GPD2: variants seen among roughly 807,000 people sequenced by gnomAD.
The protein encoded by GPD2 is glycerol-3-phosphate dehydrogenase, mitochondrial.
In GPD2, 54 loss-of-function variants were observed where a neutral mutation model predicts 82.4. The ratio of observed to expected loss-of-function variants is 0.66; its 90% CI spans 0.53 to 0.82. GPD2 has a LOEUF of 0.82. Among genes scored for constraint, GPD2 ranks in the 40% least tolerant of loss-of-function variants. The pLI, the probability that GPD2 is intolerant of heterozygous loss-of-function variation, is 0.00. For synonymous variants in GPD2, 288 were observed against 306.1 expected, an observed-to-expected ratio of 0.94 and a Z score of 0.62; for missense variants, 748 against 896.2, an observed-to-expected ratio of 0.83 and a Z score of 2.11.
Position 156,557,500 on chromosome 2 carries a change from T to TAC in GPD2, c.1088_1089dup (p.His364ThrfsTer14). The TAC allele has an allele frequency of 6.3e-7, 1 of 1,597,778 alleles. No individual in the cohort carries two copies. The highest frequency in any genetic ancestry group is 8.6e-7 in the Non-Finnish European group (1 of 1,165,144). ...GCACTACTGATACTCCAACTGATGT[T>TAC]ACACACCATCCAATTCCTTCAGAAG... On this transcript the variant is annotated frameshift_variant, in exon 9 of 17. Transcript: ENST00000438166. LOFTEE classifies it high-confidence loss of function.
intron 6 of GPD2, among the ~76,000 whole-genome samples, chr2:156,536,747 A>T (rs1038931576): frequency 3.1e-4 from 47 of 152,306 alleles, no homozygotes; most frequent in African/African-American, 1.1e-3. Context: ...CAGCAGTCCA[A>T]ACCACCTGTC....
In GPD2 at chr2:156,578,870, G is replaced by T; in HGVS notation, c.1768-19G>T. ...ATATTTCCATGTGTCTTTGAACTTT[G>T]TGTGTATCTCTGTTTTAGGAACAAC... On this transcript the variant is annotated intron_variant, in intron 13 of 16. Coordinates refer to ENST00000438166, the MANE Select transcript of GPD2 (RefSeq NM_000408.5). 7.6e-7 allele frequency: 1 copy of T among 1,312,600 alleles called. No homozygotes were observed. The highest frequency in any genetic ancestry group is 1.1e-6 in the Non-Finnish European group (1 of 906,394). 81.3% of individuals were successfully genotyped at this position (1,312,600 alleles called of 1,614,324 possible).
At chr2:156,498,792 G>A (rs1684480807) in intron 3 of GPD2, among the ~76,000 whole-genome samples, 1 of 152,116 alleles carries the variant, frequency 6.6e-6, no homozygotes. Flanking sequence ...TATAAAGAAG[G>A]GAGACAGTAT....
intron 1 of GPD2, among the ~76,000 whole-genome samples, chr2:156,442,120 A>T (rs1194714679): frequency 6.6e-6 from 1 of 152,192 alleles, no homozygotes; most frequent in Non-Finnish European, 1.5e-5. Flanking sequence ...GATTGTGCAC[A>T]TATATCCTTC....
chr2:156,456,121 A>G (rs1247284720), intron 1 of GPD2, among the ~76,000 whole-genome samples: 5 of 152,148 alleles, frequency 3.3e-5, no homozygotes, highest in Admixed American at 3.3e-4. Context: ...TTTGCTCACT[A>G]TTGCCATTGT....
At chr2:156,509,017 C>T (rs1684886457) in intron 3 of GPD2, among the ~76,000 whole-genome samples, 1 of 152,154 alleles carries the variant, frequency 6.6e-6, no homozygotes, top group Non-Finnish European at 1.5e-5. Context: ...GATTTTGGCT[C>T]TCAATATTCT....
At chr2:156,547,446 T>G (rs999086092) in intron 6 of GPD2, among the ~76,000 whole-genome samples, 8 of 152,150 alleles carry the variant, frequency 5.3e-5, no homozygotes, top group Non-Finnish European at 7.4e-5. Flanking sequence ...ACATGAATGT[T>G]CAGGGAGCTA....
intron 1 of GPD2, among the ~76,000 whole-genome samples, chr2:156,468,534 G>A (rs901462775): frequency 4.6e-5 from 7 of 151,988 alleles, no homozygotes; most frequent in Non-Finnish European, 1.0e-4. Flanking sequence ...TGCTACCTTT[G>A]GACCACAAAA....
the GPD2 span, among the ~76,000 whole-genome samples, chr2:156,425,923 CTTTT>C: frequency 7.3e-6 from 1 of 136,404 alleles, no homozygotes; most frequent in Non-Finnish European, 1.6e-5. Flanking sequence ...AGTCTGGGTA[CTTTT>C]TTTTTTTTTT....
At chr2:156,446,032 C>G (rs1233380298) in intron 1 of GPD2, among the ~76,000 whole-genome samples, 1 of 152,204 alleles carries the variant, frequency 6.6e-6, no homozygotes, top group Non-Finnish European at 1.5e-5. Context: ...TTAGGGCTTT[C>G]TTTTCAACTA....
At chr2:156,451,665 C>A (rs1682592592) in intron 1 of GPD2, among the ~76,000 whole-genome samples, 1 of 143,566 alleles carries the variant, frequency 7.0e-6, no homozygotes, top group Non-Finnish European at 1.6e-5. Flanking sequence ...CCCCTCACCT[C>A]CCGGACGGGG....
chr2:156,572,727 AAG>A (rs769740079), intron 13 of GPD2, among the ~76,000 whole-genome samples: 1 of 152,208 alleles, frequency 6.6e-6, no homozygotes, highest in Non-Finnish European at 1.5e-5. Context: ...ATCCAGGAAA[AAG>A]AGAAAATAAT....
At chr2:156,406,211 T>C in the GPD2 span, among the ~76,000 whole-genome samples, 3 of 152,154 alleles carry the variant, frequency 2.0e-5, no homozygotes, top group Non-Finnish European at 4.4e-5. Context: ...GAATCACAAG[T>C]AGTACCCTAA....
At position 156,522,528 on chromosome 2, in the gene GPD2, A is replaced by G. The variant is rs200458451; in HGVS notation, c.661+9032A>G. ...GCTATTGTATCAAAAATCTTTGTCC[A>G]CTCTTCTCTTGATTTACTCATTCAT... On this transcript the variant is annotated intron_variant, in intron 6 of 16. Coordinates refer to ENST00000438166, the MANE Select transcript of GPD2 (RefSeq NM_000408.5). Among the ~76,000 whole-genome samples, 6 of 152,040 alleles carry G rather than the reference A, an allele frequency of 3.9e-5. No homozygotes were observed. The East Asian group carries it at 1.2e-3, about 29-fold the overall frequency.
At chr2:156,435,397 G>C (rs567970577), upstream of GPD2, 1 of 152,072 alleles carries the variant, frequency 6.6e-6, no homozygotes, top group East Asian at 1.9e-4. Flanking sequence ...TCTAGCCCTA[G>C]GAGTTCCAAC....
chr2:156,460,874 T>G (rs539064285), intron 1 of GPD2, among the ~76,000 whole-genome samples: 2 of 152,312 alleles, frequency 1.3e-5, no homozygotes, highest in South Asian at 4.1e-4. Flanking sequence ...TAGAATCTTG[T>G]AGATTGCAGT....
intron 2 of GPD2, among the ~76,000 whole-genome samples, chr2:156,489,487 C>G (rs1175298588): frequency 6.6e-6 from 1 of 152,162 alleles, no homozygotes; most frequent in Non-Finnish European, 1.5e-5. Flanking sequence ...AGAGGTGCCT[C>G]CTGTGGCTCT....
chr2:156,483,856 C>T (rs1054702266), intron 2 of GPD2, among the ~76,000 whole-genome samples: 6 of 152,140 alleles, frequency 3.9e-5, no homozygotes, highest in African/African-American at 1.4e-4. Context: ...GATCATTTAA[C>T]CTCAATTAGA....
Position 156,578,912 on chromosome 2 carries a change from G to T in GPD2, c.1791G>T (p.Lys597Asn), listed in dbSNP as rs879169842. Reference sequence around the variant, plus strand: ...AGGAACAACTTGAAACAGCCAGGAAGTTTCTATATTATGAAATGGGCTATA... The same window carrying T: ...AGGAACAACTTGAAACAGCCAGGAATTTTCTATATTATGAAATGGGCTATA... ...KKQEQLETAR[K>N]FLYYEMGYKS... The change falls in exon 14 of 17, where the codon AAG (lysine) becomes AAT (asparagine). Residue 597 changes from lysine (K) to asparagine (N), a missense_variant. Coordinates refer to ENST00000438166, the MANE Select transcript of GPD2 (RefSeq NM_000408.5). The T allele has an allele frequency of 6.2e-7, 1 of 1,605,994 alleles. No individual in the cohort carries two copies. Among genetic ancestry groups the T allele is most frequent in the Non-Finnish European group, 8.5e-7 (1 of 1,173,078 alleles).
Sources: allele counts gnomAD v4.1 joint callset (sites outside exome capture counted in the v4.1 genomes callset), GRCh38; gene constraint gnomAD v4.1.1; transcripts MANE v1.5; gene names NCBI Gene and HGNC (gene_info 2026-07-23, HGNC 2026-07-21).